LYST: variants seen among roughly 807,000 people sequenced by gnomAD.
LYST encodes lysosomal-trafficking regulator.
A neutral mutation model predicts 413.6 loss-of-function variants in LYST; 192 were observed. That is an observed-to-expected ratio of 0.46 (90% CI 0.41 to 0.52). The LOEUF (loss-of-function observed/expected upper bound fraction) is 0.52. Ranked by LOEUF, LYST falls within the 20% of genes least tolerant of loss-of-function variation. The pLI is 0.00. For synonymous variants in LYST, 1,525 were observed against 1,567.3 expected (o/e 0.97, Z 0.64); for missense variants, 3,815 against 4,499.9 (o/e 0.85, Z 4.35).
intron 14 of LYST, among the ~76,000 whole-genome samples, chr1:235,786,902 G>C (rs527872684): frequency 1.7e-5 from 2 of 115,016 alleles, no homozygotes; most frequent in Admixed American, 2.2e-4. Context: ...CCTGTCGTGG[G>C]GTGGGGGGAG....
Position 235,830,337 on chromosome 1 carries a change from C to T in LYST, c.81G>A (p.Val27=). ...NRLCNAVVQR[V]EAREEEEEET... ...CCTCCTCTTCTTCCTCCCTGGCCTC[C>T]ACCCTCTGGACCACTGCATTGCAAA... Residue 27 remains valine, a synonymous_variant, in exon 3 of 53, where the codon GTG becomes GTA. Coordinates refer to ENST00000389793, the MANE Select transcript of LYST (RefSeq NM_000081.4). 2 of 1,613,956 alleles carry T rather than the reference C, an allele frequency of 1.2e-6. No individual in the cohort carries two copies. Among genetic ancestry groups the T allele is most frequent in the Non-Finnish European group, 1.7e-6 (2 of 1,179,930 alleles).
intron 48 of LYST, among the ~76,000 whole-genome samples, chr1:235,681,822 T>C (rs1659836813): frequency 6.6e-6 from 1 of 152,184 alleles, no homozygotes; most frequent in African/African-American, 2.4e-5. Flanking sequence ...ATCCCTTCTT[T>C]CCTCATTTTT....
intron 31 of LYST, chr1:235,738,229 T>C (rs527358906): frequency 7.5e-6 from 12 of 1,610,734 alleles, no homozygotes; most frequent in Admixed American, 1.7e-5. Context: ...ACACCAAAGA[T>C]TGTCTCTGGC....
At chr1:235,762,251 G>GATA (rs1156803401) in intron 22 of LYST, among the ~76,000 whole-genome samples, 2 of 152,160 alleles carry the variant, frequency 1.3e-5, no homozygotes, top group Non-Finnish European at 2.9e-5. Context: ...AACAAAGCGG[G>GATA]ATATTGTAGT....
rs369258873 is a variant in LYST at position 235,686,092 on chromosome 1, C to T, written c.10800+857G>A. Among the ~76,000 whole-genome samples, 14 of 152,044 alleles carry T rather than the reference C, an allele frequency of 9.2e-5. No individual in the cohort carries two copies. Among genetic ancestry groups the T allele is most frequent in the South Asian group, 4.2e-4 (2 of 4,816 alleles). On this transcript the variant is annotated intron_variant, in intron 48 of 52. Coordinates refer to ENST00000389793, the MANE Select transcript of LYST (RefSeq NM_000081.4). The surrounding 1 kb of genome is among the most constrained non-coding windows in gnomAD (Gnocchi z 4.0). The stretch of plus-strand genomic sequence containing the variant: ...ATTCAAGAAACAAAAACAGGCCGGG[C>T]GTGATGGCTCACACCTATAATCCCA...
chr1:235,791,199 T>C (rs984490134), intron 12 of LYST, among the ~76,000 whole-genome samples: 6 of 152,084 alleles, frequency 3.9e-5, no homozygotes, highest in Admixed American at 2.6e-4. Context: ...GGAGAATCGC[T>C]TGAACCTGGG....
intron 44 of LYST, 34 bp downstream of exon 44, chr1:235,709,057 T>C (rs1298777118): frequency 9.5e-6 from 15 of 1,572,128 alleles, no homozygotes; most frequent in African/African-American, 1.3e-5. Context: ...TTCTATCTTA[T>C]ATAAATACAG....
At position 235,830,396 on chromosome 1, in the gene LYST, G is replaced by C; in HGVS notation, c.22C>G (p.Leu8Val). 2.5e-6 allele frequency: 4 copies of C among 1,613,516 alleles called. No homozygotes were observed. Among genetic ancestry groups the C allele is most frequent in the Non-Finnish European group, 3.4e-6 (4 of 1,179,672 alleles). Residue 8 changes from leucine (L) to valine (V), a missense_variant, in exon 3 of 53, where the codon CTG (leucine) becomes GTG (valine). By Grantham distance (32) the Leu-to-Val change is conservative. This residue lies in a region of LYST where 1,648 missense variants were observed against 1,810.3 expected (regional missense o/e 0.91). Transcript: ENST00000389793. ...ACATCGGTCAGAAATTCACGTGCCA[G>C]TGAGTTACTGTCGGTGCTCATGACC... is the stretch of plus-strand genomic sequence containing the variant. MSTDSNS[L>V]AREFLTDVNR...
At chr1:235,702,017 G>A (rs1661589744) in intron 45 of LYST, among the ~76,000 whole-genome samples, 1 of 152,144 alleles carries the variant, frequency 6.6e-6, no homozygotes, top group Admixed American at 6.5e-5. Context: ...TGCACTTTGA[G>A]ATACACTGAG....
rs779682090 is a variant in LYST at position 235,800,397 on chromosome 1, A to C, written c.3940-11T>G. 2 of 1,437,102 alleles carry C rather than the reference A, an allele frequency of 1.4e-6. No individual in the cohort carries two copies. The highest frequency in any genetic ancestry group is 2.0e-6 in the Non-Finnish European group (2 of 1,018,944). The allele number at this position is 1,437,102 out of a possible 1,614,324, so 89.0% of individuals were successfully genotyped here. On this transcript the variant is annotated splice_polypyrimidine_tract_variant and intron_variant, in intron 9 of 52. Transcript: ENST00000389793. ...ATTTTTCACAGTTCCCTGAAGATTA[A>C]AAAAAATACAAAATTAAATTACTTA...
rs540179555 is a variant in LYST at position 235,729,723 on chromosome 1, T to C, written c.9045-66A>G. 3.0e-3 allele frequency: 3,383 copies of C among 1,113,754 alleles called. 17 individuals carry two copies. The highest frequency in any genetic ancestry group is 7.3e-3 in the South Asian group (587 of 80,122). 69.0% of individuals were successfully genotyped at this position (1,113,754 alleles called of 1,614,324 possible). ...GACCAATTTCAGAGAGGATATGCTTTATTTTACCTAGTAAAAGATTTCTGC... is the reference window on the plus strand; with the variant it reads ...GACCAATTTCAGAGAGGATATGCTTCATTTTACCTAGTAAAAGATTTCTGC... On this transcript the variant is annotated intron_variant, in intron 36 of 52. Coordinates refer to ENST00000389793, the MANE Select transcript of LYST (RefSeq NM_000081.4).
chr1:235,779,591 C>T (rs1041907835), intron 16 of LYST, among the ~76,000 whole-genome samples: 3 of 152,056 alleles, frequency 2.0e-5, no homozygotes, highest in African/African-American at 7.3e-5. Context: ...TTTAACAAGC[C>T]CTCTGGATGA....
intron 20 of LYST, among the ~76,000 whole-genome samples, chr1:235,768,205 T>A (rs1224092810): frequency 6.6e-6 from 1 of 152,102 alleles, no homozygotes. Context: ...TTGCTTTTTT[T>A]TCTTATGAAA....
intron 1 of LYST, among the ~76,000 whole-genome samples, chr1:235,834,629 T>G (rs1365222203): frequency 6.6e-6 from 1 of 152,172 alleles, no homozygotes; most frequent in Non-Finnish European, 1.5e-5. Context: ...GTACCACACA[T>G]TATTCTAGGC....
chr1:235,746,157 T>C (rs1381780337), intron 29 of LYST, among the ~76,000 whole-genome samples, 179 bp downstream of exon 29: 1 of 152,176 alleles, frequency 6.6e-6, no homozygotes, highest in African/African-American at 2.4e-5. Context: ...ATCGAACACA[T>C]TCAAAGTGGA....
Position 235,882,551 on chromosome 1 carries a change from T to C in LYST, n.454+636A>G, listed in dbSNP as rs78106418. Reference sequence around the variant, plus strand: ...GCAGAGACAATGGTGAGGAGACTCTTGCAGTAGCCCAAGAGAAAGATGATG... The same window carrying C: ...GCAGAGACAATGGTGAGGAGACTCTCGCAGTAGCCCAAGAGAAAGATGATG... On this transcript the variant is annotated intron_variant and non_coding_transcript_variant, in intron 1 of 11. Coordinates refer to the LYST transcript ENST00000465349. Among the ~76,000 whole-genome samples the C allele has an allele frequency of 4.7e-4, 71 of 152,292 alleles. No individual in the cohort carries two copies. The East Asian group carries it at 0.013, about 28-fold the overall frequency.
intron 1 of LYST, among the ~76,000 whole-genome samples, chr1:235,874,680 G>T (rs1335960559): frequency 1.8e-4 from 27 of 152,156 alleles, no homozygotes; most frequent in Admixed American, 1.7e-3. Flanking sequence ...TACTTTTGGA[G>T]AATTTAAATA....
chr1:235,817,927 C>T (rs1674346263), intron 3 of LYST, among the ~76,000 whole-genome samples: 1 of 151,948 alleles, frequency 6.6e-6, no homozygotes, highest in Non-Finnish European at 1.5e-5. Flanking sequence ...TGAAGGAATC[C>T]ACTGGCAATA....
At chr1:235,706,527 C>A (rs187029299) in intron 44 of LYST, among the ~76,000 whole-genome samples, 22 of 152,276 alleles carry the variant, frequency 1.4e-4, no homozygotes, top group Non-Finnish European at 3.1e-4. Context: ...TGAAGCCTCC[C>A]GTGCCACATA....
Sources: gnomAD v4.1 joint callset for allele counts (sites outside exome capture counted in the v4.1 genomes callset) on GRCh38, gnomAD v4.1.1 for gene constraint, gnomAD v4.1.1 regional missense constraint, Gnocchi (gnomAD v3.1) non-coding constraint, MANE v1.5 for transcripts, NCBI Gene and HGNC (gene_info 2026-07-23, HGNC 2026-07-21) for gene names.